Variants in SCN8A observed in about 807,000 individuals in gnomAD.
The protein encoded by SCN8A is sodium channel protein type 8 subunit alpha.
Under a neutral mutation model 184.1 loss-of-function variants are expected in SCN8A, and 30 were observed. The observed-to-expected ratio is 0.16, with a 90% confidence interval of 0.12 to 0.22. The LOEUF is 0.22. Ranked by LOEUF, SCN8A falls within the 10% of genes least tolerant of loss-of-function variation. The pLI, the probability that SCN8A is intolerant of heterozygous loss-of-function variation, is 1.00. For missense variants in SCN8A, 1,057 were observed against 2,498.9 expected, an observed-to-expected ratio of 0.42 and a Z score of 12.30; for synonymous variants, 852 against 907.0, an observed-to-expected ratio of 0.94 and a Z score of 1.09.
chr12:51,712,841 T>G (rs1941902745), intron 11 of SCN8A: 1 of 1,311,438 alleles, frequency 7.6e-7, no homozygotes, highest in Admixed American at 1.7e-5. Flanking sequence ...CTACCTCTGC[T>G]GCCACCACCT....
At position 51,807,636 on chromosome 12, in the gene SCN8A, G is replaced by A. The variant is rs1302304336; in HGVS notation, c.*207G>A. On this transcript the variant is annotated 3_prime_UTR_variant, in exon 27 of 27. Transcript: ENST00000627620. The surrounding 1 kb of genome is among the most constrained non-coding windows in gnomAD (Gnocchi z 4.5). ...AAGGACCCCGCTCCCTAGACTTACAGATTTTCTAATGCTTGGGCAGGTGGT... is the reference window on the plus strand; with the variant it reads ...AAGGACCCCGCTCCCTAGACTTACAAATTTTCTAATGCTTGGGCAGGTGGT... 1.6e-6 allele frequency: 1 copy of A among 607,504 alleles called. No individual in the cohort carries two copies. Among genetic ancestry groups the A allele is most frequent in the East Asian group, 2.8e-5 (1 of 35,652 alleles). 37.6% of individuals were successfully genotyped at this position (607,504 alleles called of 1,614,324 possible).
intron 1 of SCN8A, among the ~76,000 whole-genome samples, chr12:51,609,833 GA>G (rs1939679541): frequency 9.0e-6 from 1 of 111,612 alleles, no homozygotes; most frequent in Admixed American, 1.0e-4. Context: ...GGGGAGGGGG[GA>G]GGGGGGAGGG....
At chr12:51,758,582 TG>T (rs1265529813) in intron 14 of SCN8A, among the ~76,000 whole-genome samples, 8 of 152,168 alleles carry the variant, frequency 5.3e-5, no homozygotes, top group Non-Finnish European at 1.2e-4. Context: ...GGATTATAGG[TG>T]CCCGCCACCA....
At chr12:51,696,679 C>T (rs1294414080) in intron 6 of SCN8A, among the ~76,000 whole-genome samples, 1 of 152,074 alleles carries the variant, frequency 6.6e-6, no homozygotes, top group Non-Finnish European at 1.5e-5. Context: ...TGTGTTTATC[C>T]ATGTTCTGTA....
intron 1 of SCN8A, among the ~76,000 whole-genome samples, chr12:51,650,037 T>C (rs923436654): frequency 1.3e-5 from 2 of 152,166 alleles, no homozygotes; most frequent in Non-Finnish European, 2.9e-5. Context: ...AAATCATCTC[T>C]CTCAAGTTCA....
chr12:51,805,613 T>A (rs1938677235), intron 26 of SCN8A, among the ~76,000 whole-genome samples: 1 of 152,076 alleles, frequency 6.6e-6, no homozygotes, highest in Admixed American at 6.5e-5. Flanking sequence ...GGTAAAATGC[T>A]AGCCTCTATT....
intron 12 of SCN8A, among the ~76,000 whole-genome samples, chr12:51,744,723 G>A (rs1181282366): frequency 6.6e-6 from 1 of 151,860 alleles, no homozygotes; most frequent in Non-Finnish European, 1.5e-5. Flanking sequence ...GGGACTACAG[G>A]CTAATGAAAC....
chr12:51,750,050 T>G (rs780656365), intron 13 of SCN8A, among the ~76,000 whole-genome samples: 10 of 152,190 alleles, frequency 6.6e-5, no homozygotes, highest in Non-Finnish European at 1.5e-4. Context: ...CATACCTAGA[T>G]TGTTGTAACT....
intron 1 of SCN8A, among the ~76,000 whole-genome samples, chr12:51,626,102 T>C (rs1940072365): frequency 6.6e-6 from 1 of 152,194 alleles, no homozygotes; most frequent in East Asian, 1.9e-4. Flanking sequence ...CCAGAGCTCT[T>C]ACTATGTTTT....
chr12:51,641,438 A>G (rs903494672), intron 1 of SCN8A, among the ~76,000 whole-genome samples: 6 of 152,212 alleles, frequency 3.9e-5, no homozygotes, highest in African/African-American at 1.4e-4. Flanking sequence ...CTGTACAGAA[A>G]AAGCACACAG....
chr12:51,790,575 G>A lies in SCN8A; in HGVS notation c.4524+73G>A, dbSNP rs990530430. 8 of 1,008,682 alleles carry A rather than the reference G, an allele frequency of 7.9e-6. No individual in the cohort carries two copies. The Admixed American group carries it at 1.7e-4, about 22-fold the overall frequency. The allele number at this position is 1,008,682 out of a possible 1,614,324, so 62.5% of individuals were successfully genotyped here. ...AAAGTACTAGTAGAGTTACTGCAAA[G>A]GAAGGAAAAAGGTAAGTGATTGGCT... On this transcript the variant is annotated intron_variant, in intron 25 of 26. Coordinates refer to ENST00000627620, the MANE Select transcript of SCN8A (RefSeq NM_001330260.2).
chr12:51,607,770 A>G (rs1939627726), intron 1 of SCN8A, among the ~76,000 whole-genome samples: 1 of 152,210 alleles, frequency 6.6e-6, no homozygotes, highest in East Asian at 1.9e-4. Flanking sequence ...CATCCTTGAT[A>G]TGAAACCCAC....
At chr12:51,768,456 CGTG>C (rs1377552202) in intron 16 of SCN8A, among the ~76,000 whole-genome samples, 4 of 151,874 alleles carry the variant, frequency 2.6e-5, no homozygotes, top group African/African-American at 9.7e-5. Flanking sequence ...TTTTTTCTGA[CGTG>C]GGTCCTCTCA....
intron 26 of SCN8A, among the ~76,000 whole-genome samples, chr12:51,805,810 C>A (rs1938684615): frequency 6.8e-6 from 1 of 147,470 alleles, no homozygotes; most frequent in Non-Finnish European, 1.5e-5. Context: ...TTATTGTTTA[C>A]TTTTCTATAT....
intron 4 of SCN8A, 92 bp from the exon 5 acceptor site, chr12:51,686,999 G>A: frequency 7.3e-7 from 1 of 1,371,158 alleles, no homozygotes; most frequent in Non-Finnish European, 1.0e-6. Context: ...GTCTCTCTTA[G>A]TTGAAGCAAC....
chr12:51,620,688 TA>T (rs549659460), intron 1 of SCN8A, among the ~76,000 whole-genome samples: 76 of 144,132 alleles, frequency 5.3e-4, no homozygotes, highest in Admixed American at 5.6e-4. Flanking sequence ...CAGCTAGACT[TA>T]AAAAAAAAAA....
chr12:51,780,196 C>A (rs1275511905), intron 20 of SCN8A: 2 of 456,010 alleles, frequency 4.4e-6, no homozygotes, highest in Non-Finnish European at 8.8e-6. Flanking sequence ...GTATTCTTTT[C>A]CATAGGTACC....
chr12:51,594,218 A>T (rs1939295673), intron 1 of SCN8A, among the ~76,000 whole-genome samples: 2 of 152,252 alleles, frequency 1.3e-5, no homozygotes, highest in South Asian at 4.1e-4. Context: ...TTACTGCCAC[A>T]TAACGTAGCT....
chr12:51,782,800 A>G (rs909485539), intron 21 of SCN8A, among the ~76,000 whole-genome samples: 2 of 152,178 alleles, frequency 1.3e-5, no homozygotes, highest in African/African-American at 4.8e-5. Context: ...TCTTCCCTTT[A>G]GCTGCCCCTT....
Sources: gnomAD v4.1 joint callset for allele counts (sites outside exome capture counted in the v4.1 genomes callset) on GRCh38, gnomAD v4.1.1 for gene constraint, Gnocchi (gnomAD v3.1) non-coding constraint, MANE v1.5 for transcripts, NCBI Gene and HGNC (gene_info 2026-07-23, HGNC 2026-07-21) for gene names.